The following YAP1 variants were observed in gnomAD, a reference collection of about 807,000 sequenced individuals.
YAP1 encodes the protein Yes1 associated transcriptional regulator, also known as transcriptional coactivator YAP1.
In YAP1, 5 loss-of-function variants were observed where a neutral mutation model predicts 56.9. That is an observed-to-expected ratio of 0.09 (90% CI 0.05 to 0.18). YAP1 has a LOEUF of 0.18. Among genes scored for constraint, YAP1 ranks in the 10% least tolerant of loss-of-function variants. The pLI is 1.00. For missense variants in YAP1, 539 were observed against 651.8 expected (o/e 0.83, Z 1.88); for synonymous variants, 265 against 248.1 (o/e 1.07, Z -0.64).
chr11:102,186,266 T>C (rs1489952632), intron 4 of YAP1, 135 bp downstream of exon 4: 2 of 958,474 alleles, frequency 2.1e-6, no homozygotes, highest in Non-Finnish European at 3.1e-6. Flanking sequence ...ACCCAATGTT[T>C]ACCAGTAGTG....
At chr11:102,151,336 G>C (rs929734731) in intron 2 of YAP1, among the ~76,000 whole-genome samples, 2 of 151,964 alleles carry the variant, frequency 1.3e-5, no homozygotes, top group African/African-American at 4.8e-5. Flanking sequence ...CTGTAATTTA[G>C]CCCATGGTTT....
intron 3 of YAP1, among the ~76,000 whole-genome samples, chr11:102,167,472 T>G (rs7945065): frequency 6.6e-6 from 1 of 152,220 alleles, no homozygotes; most frequent in East Asian, 1.9e-4. Context: ...CAGTGGCTCA[T>G]GCCTGTAATC....
At chr11:102,191,630 A>G (rs975853624) in intron 4 of YAP1, among the ~76,000 whole-genome samples, 1 of 152,180 alleles carries the variant, frequency 6.6e-6, no homozygotes, top group Admixed American at 6.5e-5. Context: ...CTCATCTTGA[A>G]TAAGTTACCC....
chr11:102,216,854 T>A (rs966082178), intron 6 of YAP1, among the ~76,000 whole-genome samples: 1 of 152,234 alleles, frequency 6.6e-6, no homozygotes, highest in African/African-American at 2.4e-5. Context: ...AACATAATCA[T>A]GCTTCTGTTC....
At chr11:102,141,428 C>T (rs891173299) in intron 2 of YAP1, among the ~76,000 whole-genome samples, 4 of 152,094 alleles carry the variant, frequency 2.6e-5, no homozygotes, top group African/African-American at 4.8e-5. Context: ...TCCCTGTCCT[C>T]GGTTAGGAGG....
intron 2 of YAP1, among the ~76,000 whole-genome samples, chr11:102,154,181 C>T (rs1945819343): frequency 6.6e-6 from 1 of 152,138 alleles, no homozygotes; most frequent in African/African-American, 2.4e-5. Flanking sequence ...GACAGGATCA[C>T]ATTTCAATTG....
At chr11:102,199,935 A>G (rs1948764779) in intron 4 of YAP1, among the ~76,000 whole-genome samples, 2 of 152,250 alleles carry the variant, frequency 1.3e-5, no homozygotes, top group Non-Finnish European at 2.9e-5. Context: ...TATTATGTAG[A>G]CTATGTTTTT....
intron 2 of YAP1, among the ~76,000 whole-genome samples, chr11:102,133,686 T>A (rs1168136091): frequency 6.6e-6 from 1 of 152,240 alleles, no homozygotes; most frequent in African/African-American, 2.4e-5. Context: ...GAAATAAGTT[T>A]AGATGACAAT....
chr11:102,206,123 T>C, intron 5 of YAP1, 49 bp downstream of exon 5: 1 of 1,573,938 alleles, frequency 6.4e-7, no homozygotes, highest in Non-Finnish European at 8.6e-7. Context: ...GGGTTTGTTT[T>C]CTTAAAGTTG....
chr11:102,177,652 G>A (rs1404920879), intron 3 of YAP1, among the ~76,000 whole-genome samples: 1 of 149,476 alleles, frequency 6.7e-6, no homozygotes, highest in Non-Finnish European at 1.5e-5. Flanking sequence ...ACTCTAGCCT[G>A]GCGACAGAGT....
At chr11:102,184,032 C>T (rs1365273360) in intron 3 of YAP1, among the ~76,000 whole-genome samples, 2 of 148,056 alleles carry the variant, frequency 1.4e-5, no homozygotes, top group African/African-American at 5.0e-5. Context: ...AGCCGAGATC[C>T]CGCCACTGCA....
intron 4 of YAP1, among the ~76,000 whole-genome samples, chr11:102,196,105 G>T (rs905243239): frequency 2.0e-5 from 3 of 152,188 alleles, no homozygotes; most frequent in African/African-American, 7.2e-5. Context: ...GAAAAATGAT[G>T]TAACCACTTT....
intron 4 of YAP1, among the ~76,000 whole-genome samples, chr11:102,194,402 T>C (rs1948466323): frequency 2.0e-5 from 3 of 152,248 alleles, no homozygotes; most frequent in Admixed American, 2.0e-4. Context: ...ATTTTAGAAC[T>C]CATTCTGGAC....
chr11:102,149,387 C>G (rs748903592), intron 2 of YAP1, among the ~76,000 whole-genome samples: 14 of 152,002 alleles, frequency 9.2e-5, no homozygotes, highest in Non-Finnish European at 1.8e-4. Flanking sequence ...TGATAGGATA[C>G]CTTCAAGAGA....
chr11:102,215,888 G>C (rs1949636869), intron 6 of YAP1, among the ~76,000 whole-genome samples: 1 of 152,168 alleles, frequency 6.6e-6, no homozygotes, highest in Non-Finnish European at 1.5e-5. Context: ...TAGGGAAATT[G>C]CATATATTTA....
chr11:102,122,172 C>G (rs1335235897), intron 2 of YAP1, among the ~76,000 whole-genome samples: 4 of 152,040 alleles, frequency 2.6e-5, no homozygotes, highest in Non-Finnish European at 4.4e-5. Flanking sequence ...GTAATCCTAG[C>G]CTTTTGGGAG....
In YAP1 at chr11:102,230,790, GT is replaced by G. The variant is rs951259557; in HGVS notation, c.*854del. 1.3e-5 allele frequency: 2 copies of G among 152,420 alleles called. No homozygotes were observed. Among genetic ancestry groups the G allele is most frequent in the African/African-American group, 2.4e-5 (1 of 41,458 alleles). The allele number at this position is 152,420 out of a possible 1,614,324, so 9.4% of individuals were successfully genotyped here. A position where few individuals can be genotyped will look rare whatever the true frequency, so the allele number is the denominator to read the frequency against. The stretch of plus-strand genomic sequence containing the variant: ...GTAGCTTGGGATGGTTATTGTAGTT[GT>G]TTTGGTAAAATCTTCATTTCCTGGT... On this transcript the variant is annotated 3_prime_UTR_variant, in exon 9 of 9. Coordinates refer to ENST00000282441, the MANE Select transcript of YAP1 (RefSeq NM_001130145.3).
intron 2 of YAP1, among the ~76,000 whole-genome samples, chr11:102,124,860 T>C (rs750559728): frequency 6.6e-6 from 1 of 152,112 alleles, no homozygotes; most frequent in Non-Finnish European, 1.5e-5. Context: ...CTCAGTGTCC[T>C]AAGTAGCTGG....
intron 2 of YAP1, among the ~76,000 whole-genome samples, chr11:102,161,553 C>G (rs1314495190): frequency 1.3e-5 from 2 of 152,080 alleles, no homozygotes; most frequent in Non-Finnish European, 2.9e-5. Context: ...TAAATGTTAA[C>G]TGGCTTTCAA....
Sources: gnomAD v4.1 joint callset for allele counts (sites outside exome capture counted in the v4.1 genomes callset) on GRCh38, gnomAD v4.1.1 for gene constraint, MANE v1.5 for transcripts, NCBI Gene and HGNC (gene_info 2026-07-23, HGNC 2026-07-21) for gene names.